Variants in BRF1 observed in about 807,000 individuals in gnomAD.
BRF1 encodes the protein BRF1 general transcription factor IIIB subunit.
Under a neutral mutation model 81.7 loss-of-function variants are expected in BRF1, and 59 were observed. The observed-to-expected ratio is 0.72, with a 90% confidence interval of 0.59 to 0.90. BRF1 has a LOEUF of 0.90. Among genes scored for constraint, BRF1 ranks in the 40% least tolerant of loss-of-function variants. The pLI, the probability that BRF1 is intolerant of heterozygous loss-of-function variation, is 0.00. For missense variants in BRF1, 1,050 were observed against 936.3 expected (o/e 1.12, Z -1.58); for synonymous variants, 491 against 395.6 (o/e 1.24, Z -2.86).
At chr14:105,256,655 G>GC in intron 3 of BRF1, 106 bp from the exon 4 acceptor site, 1 of 1,495,362 alleles carries the variant, frequency 6.7e-7, no homozygotes, top group Non-Finnish European at 9.0e-7. Context: ...AGCTGGAGTC[G>GC]CCCCTCCAAA....
At chr14:105,256,835 G>A (rs1044835020) in intron 3 of BRF1, among the ~76,000 whole-genome samples, 1 of 152,146 alleles carries the variant, frequency 6.6e-6, no homozygotes, top group Non-Finnish European at 1.5e-5. Context: ...AACCAGAAAC[G>A]GTGGGGGCTT....
At chr14:105,263,567 C>A (rs2056259951) in intron 3 of BRF1, among the ~76,000 whole-genome samples, 1 of 152,146 alleles carries the variant, frequency 6.6e-6, no homozygotes, top group Admixed American at 6.5e-5. Flanking sequence ...AGCCGGGAAC[C>A]AAGACGGACC....
In BRF1 at chr14:105,284,985, G is replaced by A. The variant is rs1389439231; in HGVS notation, c.265+1311C>T. Among the ~76,000 whole-genome samples the A allele has an allele frequency of 6.6e-6, 1 of 152,164 alleles. No individual in the cohort carries two copies. The highest frequency in any genetic ancestry group is 1.5e-5 in the Non-Finnish European group (1 of 68,030). On this transcript the variant is annotated intron_variant, in intron 2 of 17. Coordinates refer to ENST00000547530, the MANE Select transcript of BRF1 (RefSeq NM_001519.4). This position sits in a 1 kb window ranked among gnomAD's most constrained non-coding sequence, Gnocchi z 4.0. ...AAGAAGTACAAAACTTATACTCTGAGAACTAATAAAATTGTTGAAACAAAT... is the reference window on the plus strand; with the variant it reads ...AAGAAGTACAAAACTTATACTCTGAAAACTAATAAAATTGTTGAAACAAAT...
chr14:105,258,124 A>T (rs186632558), intron 3 of BRF1, among the ~76,000 whole-genome samples: 53 of 152,308 alleles, frequency 3.5e-4, no homozygotes, highest in Non-Finnish European at 6.5e-4. Flanking sequence ...GAAATTGGGG[A>T]TTGAAGGGGG....
chr14:105,216,472 A>G (rs1891327992), intron 15 of BRF1, among the ~76,000 whole-genome samples: 1 of 152,212 alleles, frequency 6.6e-6, no homozygotes, highest in Non-Finnish European at 1.5e-5. Context: ...GGACCAGTGC[A>G]TGGCTGATGT....
chr14:105,209,768 C>T lies in BRF1; in HGVS notation c.*783G>A. 1.8e-6 allele frequency: 1 copy of T among 562,080 alleles called. No individual in the cohort carries two copies. 34.8% of individuals were successfully genotyped at this position (562,080 alleles called of 1,614,324 possible). ...TGCCCGCACTGCCTACAGAGCTATG[C>T]TCAGGACGGGTGGGCGCCGGTCTCA... On this transcript the variant is annotated 3_prime_UTR_variant, in exon 18 of 18. Transcript: ENST00000547530.
At chr14:105,265,300 C>A (rs956350241) in intron 3 of BRF1, among the ~76,000 whole-genome samples, 1 of 152,238 alleles carries the variant, frequency 6.6e-6, no homozygotes, top group East Asian at 1.9e-4. Context: ...CCACCTCAGC[C>A]TCCCAAAGCG....
intron 15 of BRF1, among the ~76,000 whole-genome samples, chr14:105,216,815 C>G (rs980674863): frequency 1.1e-4 from 17 of 152,210 alleles, no homozygotes; most frequent in African/African-American, 3.4e-4. Context: ...AGCCCGGAGA[C>G]TCGGTGGGGT....
chr14:105,228,548 A>G (rs1467963077), intron 7 of BRF1, among the ~76,000 whole-genome samples: 2 of 151,892 alleles, frequency 1.3e-5, no homozygotes, highest in Non-Finnish European at 2.9e-5. Context: ...TTCCTCAAAA[A>G]AAAAAAAAAA....
chr14:105,248,015 C>T (rs1164796414), intron 5 of BRF1: 3 of 985,394 alleles, frequency 3.0e-6, no homozygotes, highest in African/African-American at 3.5e-5. Flanking sequence ...GGCTGCAGGC[C>T]CAGGGCCAGA....
At chr14:105,227,781 A>C (rs1184732678) in intron 7 of BRF1, 1 of 152,282 alleles carries the variant, frequency 6.6e-6, no homozygotes, top group African/African-American at 2.4e-5. Flanking sequence ...AACACGTTTC[A>C]TCAAAGATTT....
chr14:105,212,356 G>A (rs1484804157), intron 15 of BRF1, 192 bp from the exon 16 acceptor site: 31 of 662,786 alleles, frequency 4.7e-5, no homozygotes, highest in Non-Finnish European at 6.7e-5. Context: ...GCTCTGACCC[G>A]TTCACATTCT....
intron 7 of BRF1, 32 bp downstream of exon 7, chr14:105,228,788 T>C: frequency 1.2e-6 from 2 of 1,611,338 alleles, no homozygotes; most frequent in Non-Finnish European, 8.5e-7. Flanking sequence ...AGCCTCTGTG[T>C]GGTCCCCATG....
chr14:105,307,791 C>T (rs1426445927), intron 1 of BRF1, among the ~76,000 whole-genome samples: 1 of 152,230 alleles, frequency 6.6e-6, no homozygotes, highest in Non-Finnish European at 1.5e-5. Flanking sequence ...GGACATGTGT[C>T]TGGTAGACAG....
At chr14:105,242,505 G>A (rs1187141604) in intron 5 of BRF1, 1 of 152,034 alleles carries the variant, frequency 6.6e-6, no homozygotes, top group Non-Finnish European at 1.5e-5. Flanking sequence ...GGGGGCCGAG[G>A]CGGGCGGATC....
At chr14:105,223,918 T>C (rs1027750954) in intron 10 of BRF1, among the ~76,000 whole-genome samples, 18 of 152,372 alleles carry the variant, frequency 1.2e-4, no homozygotes, top group African/African-American at 2.6e-4. Context: ...TTGAAACCAC[T>C]TGCTGTTGCC....
At chr14:105,295,085 A>C (rs2057677951) in intron 1 of BRF1, among the ~76,000 whole-genome samples, 1 of 152,122 alleles carries the variant, frequency 6.6e-6, no homozygotes, top group South Asian at 2.1e-4. Context: ...CCATTCCATA[A>C]GGAGCAGAAC....
At chr14:105,258,563 C>T (rs1278277055) in intron 3 of BRF1, among the ~76,000 whole-genome samples, 1 of 150,756 alleles carries the variant, frequency 6.6e-6, no homozygotes, top group African/African-American at 2.4e-5. Context: ...TTTGGGAGGC[C>T]GAGGTGGGAG....
chr14:105,304,994 C>T (rs1233987251), upstream of BRF1, among the ~76,000 whole-genome samples: 1 of 152,226 alleles, frequency 6.6e-6, no homozygotes, highest in Non-Finnish European at 1.5e-5. Context: ...GTGTGTTCCC[C>T]CAAAGTCCAT....
Sources: allele counts gnomAD v4.1 joint callset (sites outside exome capture counted in the v4.1 genomes callset), GRCh38; gene constraint gnomAD v4.1.1; non-coding constraint Gnocchi (gnomAD v3.1); transcripts MANE v1.5; gene names NCBI Gene and HGNC (gene_info 2026-07-23, HGNC 2026-07-21).